The following ZNF846 variants were observed in gnomAD, a reference collection of about 807,000 sequenced individuals.
The protein encoded by ZNF846 is zinc finger protein 420 pseudogene.
ZNF846 carries 15 observed loss-of-function variants against 16.0 expected under a neutral mutation model. That is an observed-to-expected ratio of 0.94 (90% CI 0.63 to 1.45). ZNF846 has a LOEUF of 1.45. Among genes scored for constraint, ZNF846 ranks in the 40% most tolerant of loss-of-function variants. ZNF846 has a pLI of 0.00. For synonymous variants in ZNF846, 229 were observed against 212.0 expected (o/e 1.08, Z -0.70); for missense variants, 714 against 622.3 (o/e 1.15, Z -1.57).
upstream of ZNF846, among the ~76,000 whole-genome samples, chr19:9,771,033 G>A (rs2045385699): frequency 6.6e-6 from 1 of 152,038 alleles, no homozygotes; most frequent in Admixed American, 6.6e-5. Context: ...GTTCTTTAGT[G>A]GTGATTTCTG....
downstream of ZNF846, among the ~76,000 whole-genome samples, chr19:9,754,589 C>CAAAAAAAAAAAAAAAA (rs1203086590): frequency 1.4e-4 from 15 of 104,008 alleles, no homozygotes; most frequent in South Asian, 8.7e-4. Context: ...AAAAAAAAAG[C>CAAAAAAAAAAAAAAAA]AAAGGGCAAC....
chr19:9,754,077 ATTTT>A (rs137984361), downstream of ZNF846, among the ~76,000 whole-genome samples: 953 of 151,516 alleles, frequency 6.3e-3, 31 homozygotes, highest in African/African-American at 0.022. Context: ...GATACATATA[ATTTT>A]TTTATCTTCT....
At chr19:9,771,447 G>A (rs946361118), upstream of ZNF846, among the ~76,000 whole-genome samples, 1 of 152,156 alleles carries the variant, frequency 6.6e-6, no homozygotes, top group African/African-American at 2.4e-5. Context: ...CAAAGTGCTG[G>A]GATAACAGGC....
intron 1 of ZNF846, chr19:9,774,951 T>A (rs1355406725): frequency 1.2e-6 from 2 of 1,609,006 alleles, no homozygotes; most frequent in African/African-American, 2.7e-5. Flanking sequence ...GAAAGTGACC[T>A]GTGGACTAAA....
chr19:9,758,967 TCA>T (rs2045179462), intron 5 of ZNF846, among the ~76,000 whole-genome samples: 1 of 151,796 alleles, frequency 6.6e-6, no homozygotes, highest in South Asian at 2.1e-4. Context: ...TTCTCTGCAT[TCA>T]CAGAGCTTCT....
chr19:9,774,499 G>T, intron 1 of ZNF846: 1 of 1,039,346 alleles, frequency 9.6e-7, no homozygotes, highest in Non-Finnish European at 1.5e-6. Context: ...AATCCAAGAT[G>T]GCGGCCAGCA....
chr19:9,773,152 T>G (rs1004586741), upstream of ZNF846, among the ~76,000 whole-genome samples: 8 of 152,200 alleles, frequency 5.3e-5, no homozygotes, highest in African/African-American at 1.9e-4. Context: ...TAGATGCTGA[T>G]GAAGCCTTTG....
exon 6 of ZNF846, chr19:9,758,374 A>G (rs748972989): frequency 6.2e-7 from 1 of 1,613,368 alleles, no homozygotes; most frequent in South Asian, 1.1e-5. Flanking sequence ...GAATTACTGA[A>G]GGCTTTCCCA....
chr19:9,769,956 G>A (rs1198106224), upstream of ZNF846, among the ~76,000 whole-genome samples: 1 of 151,096 alleles, frequency 6.6e-6, no homozygotes, highest in Non-Finnish European at 1.5e-5. Flanking sequence ...ACTCCAGCCT[G>A]GGCGACAGAG....
chr19:9,771,066 C>T (rs996221977), upstream of ZNF846, among the ~76,000 whole-genome samples: 5 of 151,972 alleles, frequency 3.3e-5, no homozygotes, highest in East Asian at 1.9e-4. Flanking sequence ...ACCCATCATC[C>T]GAGCAGTGTA....
At chr19:9,766,849 G>A (rs1382941419) in intron 1 of ZNF846, among the ~76,000 whole-genome samples, 7 of 144,330 alleles carry the variant, frequency 4.8e-5, no homozygotes, top group Admixed American at 1.4e-4. Flanking sequence ...GCAGTGAGCC[G>A]AGATCATGCC....
chr19:9,774,715 G>T, intron 1 of ZNF846: 5 of 1,530,536 alleles, frequency 3.3e-6, no homozygotes, highest in South Asian at 2.3e-5. Flanking sequence ...TTAAAACAAA[G>T]ATCTATCACC....
chr19:9,754,112 C>A (rs2045110938), downstream of ZNF846, among the ~76,000 whole-genome samples: 1 of 151,580 alleles, frequency 6.6e-6, no homozygotes, highest in East Asian at 1.9e-4. Flanking sequence ...TACCTTCTAT[C>A]AGTATATACT....
At chr19:9,769,703 C>T (rs1440867572), upstream of ZNF846, among the ~76,000 whole-genome samples, 3 of 152,032 alleles carry the variant, frequency 2.0e-5, no homozygotes, top group Non-Finnish European at 4.4e-5. Context: ...GGGCTGGGGG[C>T]AGTGGCTCAC....
intron 1 of ZNF846, among the ~76,000 whole-genome samples, chr19:9,778,799 G>T (rs553747526): frequency 1.9e-5 from 2 of 103,950 alleles, no homozygotes; most frequent in South Asian, 3.0e-4. Flanking sequence ...GCGAAAACTC[G>T]TCTCAAAAAA....
At chr19:9,751,093 T>C (rs2045080269), downstream of ZNF846, among the ~76,000 whole-genome samples, 1 of 152,160 alleles carries the variant, frequency 6.6e-6, no homozygotes, top group Non-Finnish European at 1.5e-5. Flanking sequence ...AGTTCTCTAA[T>C]ACCTGTCTTC....
chr19:9,774,285 G>A lies in ZNF846; in HGVS notation c.-85-9250C>T, dbSNP rs970495765. ...AGATAGAGACCACCCTGGCTAACAC[G>A]ATGAAACCCAGTCTCTACTAAAAAT... On this transcript the variant is annotated intron_variant, in intron 1 of 4. Coordinates refer to the ZNF846 transcript ENST00000586814. 5.9e-5 allele frequency among the ~76,000 whole-genome samples: 9 copies of A among 152,170 alleles called. No individual in the cohort carries two copies. The East Asian group carries it at 9.7e-4, about 16-fold the overall frequency.
At chr19:9,756,154 C>G (rs570132517), downstream of ZNF846, 2 of 150,432 alleles carry the variant, frequency 1.3e-5, no homozygotes, top group Admixed American at 1.3e-4. Flanking sequence ...CTCATATTTT[C>G]ACATTCATAT....
intron 1 of ZNF846, among the ~76,000 whole-genome samples, chr19:9,765,298 C>T (rs923104351): frequency 2.0e-5 from 3 of 152,064 alleles, no homozygotes; most frequent in African/African-American, 7.2e-5. Context: ...TCACTTGAAC[C>T]TGGGAGGTGG....
Sources: allele counts gnomAD v4.1 joint callset (sites outside exome capture counted in the v4.1 genomes callset), GRCh38; gene constraint gnomAD v4.1.1; transcripts MANE v1.5; gene names NCBI Gene and HGNC (gene_info 2026-07-23, HGNC 2026-07-21).